Variants in FNBP1 observed in about 807,000 individuals in gnomAD.
FNBP1 encodes the protein formin binding protein 1.
FNBP1 carries 26 observed loss-of-function variants against 90.6 expected under a neutral mutation model. The ratio of observed to expected loss-of-function variants is 0.29; its 90% CI spans 0.21 to 0.40. FNBP1 has a LOEUF of 0.40. Ranked by LOEUF, FNBP1 falls within the 10% of genes least tolerant of loss-of-function variation. The pLI is 1.00. For synonymous variants in FNBP1, 260 were observed against 265.2 expected (o/e 0.98, Z 0.19); for missense variants, 635 against 768.0 (o/e 0.83, Z 2.05).
chr9:130,014,553 A>T (rs1355232564), intron 1 of FNBP1, among the ~76,000 whole-genome samples: 1 of 152,070 alleles, frequency 6.6e-6, no homozygotes, highest in Non-Finnish European at 1.5e-5. Flanking sequence ...TGCCCAGCCT[A>T]ATGTTCTATT....
intron 1 of FNBP1, among the ~76,000 whole-genome samples, chr9:130,000,039 AAATC>A (rs1158549223): frequency 2.6e-5 from 4 of 152,260 alleles, no homozygotes; most frequent in African/African-American, 4.8e-5. Context: ...AAAACTTGAC[AAATC>A]ATAGCTTCTC....
At position 129,887,300 on chromosome 9, in the gene FNBP1, A is replaced by G. The variant is rs1403199372; in HGVS notation, c.*3239T>C. 1 of 194,770 alleles carries G rather than the reference A, an allele frequency of 5.1e-6. No individual in the cohort carries two copies. The highest frequency in any genetic ancestry group is 2.3e-5 in the African/African-American group (1 of 43,122). The allele number at this position is 194,770 out of a possible 1,614,324, so 12.1% of individuals were successfully genotyped here. On this transcript the variant is annotated 3_prime_UTR_variant, in exon 17 of 17. Coordinates refer to ENST00000446176, the MANE Select transcript of FNBP1 (RefSeq NM_015033.3). ...TTCCATCTCCAGAGACAAACAGGCA[A>G]CTCTAGGACCTTTACAGTGGCGATC...
At chr9:129,931,073 G>C (rs1293824739) in intron 6 of FNBP1, among the ~76,000 whole-genome samples, 3 of 152,194 alleles carry the variant, frequency 2.0e-5, no homozygotes, top group African/African-American at 7.2e-5. Context: ...GAAGGCTCGG[G>C]TGGGCAGATT....
chr9:129,912,070 T>C (rs1294371484), intron 11 of FNBP1, among the ~76,000 whole-genome samples: 2 of 152,104 alleles, frequency 1.3e-5, no homozygotes, highest in Non-Finnish European at 2.9e-5. Context: ...TCAGAAGTCC[T>C]GGAAGCCTGG....
At chr9:130,046,523 C>G (rs1047632356), upstream of FNBP1, among the ~76,000 whole-genome samples, 1 of 132,068 alleles carries the variant, frequency 7.6e-6, no homozygotes, top group African/African-American at 2.9e-5. Flanking sequence ...CATCCGAGGT[C>G]AGGAGTTTGA....
chr9:130,013,166 G>A (rs2056840584), intron 1 of FNBP1, among the ~76,000 whole-genome samples: 2 of 151,892 alleles, frequency 1.3e-5, no homozygotes, highest in Admixed American at 1.3e-4. Context: ...GTTTTTAAGA[G>A]ACAGGATATC....
chr9:129,985,583 A>C (rs1306291575), intron 2 of FNBP1, among the ~76,000 whole-genome samples: 1 of 152,168 alleles, frequency 6.6e-6, no homozygotes, highest in Non-Finnish European at 1.5e-5. Flanking sequence ...TGGGAGGCCG[A>C]GGTGGGCAGG....
intron 1 of FNBP1, among the ~76,000 whole-genome samples, chr9:130,032,167 C>CT (rs769360352): frequency 0.052 from 7,404 of 142,330 alleles, 296 homozygotes; most frequent in Admixed American, 0.15. Context: ...TTAAAATAAA[C>CT]TTTTTTTTTT....
rs190823241 is a variant in FNBP1, at chr9:129,981,694, C to A, written c.141-2320G>T. 3.2e-4 allele frequency among the ~76,000 whole-genome samples: 48 copies of A among 152,144 alleles called. 3 individuals carry two copies. Among genetic ancestry groups the A allele is most frequent in the Non-Finnish European group, 4.6e-4 (31 of 68,014 alleles). Reference sequence around the variant, plus strand: ...GGAATCAAGAGACCATGTGCCCGGACAGCATGACCTCAGCAAATGAGCCAG... The same window carrying A: ...GGAATCAAGAGACCATGTGCCCGGAAAGCATGACCTCAGCAAATGAGCCAG... On this transcript the variant is annotated intron_variant, in intron 2 of 16. Transcript: ENST00000446176.
chr9:129,955,021 G>T (rs2046709390), intron 6 of FNBP1, among the ~76,000 whole-genome samples: 1 of 151,936 alleles, frequency 6.6e-6, no homozygotes, highest in South Asian at 2.1e-4. Flanking sequence ...TTCTTAATGG[G>T]GAACCTTTTG....
chr9:130,036,578 A>G (rs910434403), intron 1 of FNBP1, among the ~76,000 whole-genome samples: 3 of 152,222 alleles, frequency 2.0e-5, no homozygotes, highest in Non-Finnish European at 2.9e-5. Flanking sequence ...TCCACTAAAC[A>G]GAAAAGACAT....
At chr9:130,036,105 T>G (rs989881885) in intron 1 of FNBP1, among the ~76,000 whole-genome samples, 2 of 152,184 alleles carry the variant, frequency 1.3e-5, no homozygotes, top group African/African-American at 4.8e-5. Flanking sequence ...CAAATATTCC[T>G]TTATAAACAC....
chr9:129,947,440 C>CAA (rs530714143), intron 6 of FNBP1, among the ~76,000 whole-genome samples: 1 of 96,982 alleles, frequency 1.0e-5, no homozygotes, highest in African/African-American at 3.9e-5. Context: ...AACTCCGTCT[C>CAA]AAAAAAAAAA....
chr9:129,970,526 A>G (rs2049294177), intron 4 of FNBP1, among the ~76,000 whole-genome samples: 1 of 152,230 alleles, frequency 6.6e-6, no homozygotes, highest in Non-Finnish European at 1.5e-5. Context: ...AATGTTATAC[A>G]TATCTGCAAA....
Position 130,042,153 on chromosome 9 carries a change from C to T in FNBP1, c.24+799G>A, listed in dbSNP as rs1422382379. On this transcript the variant is annotated intron_variant, in intron 1 of 16. Transcript: ENST00000446176. This position sits in a 1 kb window ranked among gnomAD's most constrained non-coding sequence, Gnocchi z 5.5. The stretch of plus-strand genomic sequence containing the variant: ...CCCTGAGGGCTGCCCGTTTACCGTG[C>T]GCATCCCCCGGCCAAGCATCCCCGC... 1.3e-5 allele frequency among the ~76,000 whole-genome samples: 2 copies of T among 152,064 alleles called. No individual in the cohort carries two copies. The highest frequency in any genetic ancestry group is 4.8e-5 in the African/African-American group (2 of 41,408).
intron 4 of FNBP1, among the ~76,000 whole-genome samples, chr9:129,965,585 G>A (rs908546571): frequency 3.6e-4 from 55 of 152,044 alleles, no homozygotes; most frequent in East Asian, 9.7e-4. Context: ...TCCCTAGGCC[G>A]CAATCCCAGT....
At chr9:129,981,455 C>T (rs182055306) in intron 2 of FNBP1, among the ~76,000 whole-genome samples, 1 of 152,256 alleles carries the variant, frequency 6.6e-6, no homozygotes, top group East Asian at 1.9e-4. Flanking sequence ...TTGTTAATTC[C>T]CTGTTGCTAT....
chr9:130,009,133 T>C (rs2056201654), intron 1 of FNBP1, among the ~76,000 whole-genome samples: 1 of 152,034 alleles, frequency 6.6e-6, no homozygotes, highest in South Asian at 2.1e-4. Flanking sequence ...AGGAAAAAAA[T>C]GTTTAAGGCC....
At chr9:130,029,362 T>C (rs892851320) in intron 1 of FNBP1, among the ~76,000 whole-genome samples, 7 of 152,108 alleles carry the variant, frequency 4.6e-5, no homozygotes, top group African/African-American at 1.7e-4. Flanking sequence ...GATCCGCCCA[T>C]CTTGGCCTCC....
Sources: gnomAD v4.1 joint callset for allele counts (sites outside exome capture counted in the v4.1 genomes callset) on GRCh38, gnomAD v4.1.1 for gene constraint, Gnocchi (gnomAD v3.1) non-coding constraint, MANE v1.5 for transcripts, NCBI Gene and HGNC (gene_info 2026-07-23, HGNC 2026-07-21) for gene names.